The following MYO3B variants were observed in gnomAD, a reference collection of about 807,000 sequenced individuals.
The protein encoded by MYO3B is myosin-IIIb.
MYO3B carries 156 observed loss-of-function variants against 174.6 expected under a neutral mutation model. That is an observed-to-expected ratio of 0.89 (90% CI 0.78 to 1.02). The LOEUF is 1.02. MYO3B is among the 50% of genes least tolerant of loss of function. MYO3B has a pLI of 0.00. For synonymous variants in MYO3B, 563 were observed against 569.1 expected (o/e 0.99, Z 0.15); for missense variants, 1,632 against 1,639.4 (o/e 1.00, Z 0.08).
intron 32 of MYO3B, among the ~76,000 whole-genome samples, chr2:170,637,539 T>C (rs1207305123): frequency 6.6e-6 from 1 of 152,144 alleles, no homozygotes; most frequent in Non-Finnish European, 1.5e-5. Flanking sequence ...TGAGAAATCT[T>C]GAGTCCAGTG....
chr2:170,576,454 A>G (rs759110823), intron 32 of MYO3B, among the ~76,000 whole-genome samples: 1 of 152,200 alleles, frequency 6.6e-6, no homozygotes, highest in Non-Finnish European at 1.5e-5. Context: ...AGCAAACCGG[A>G]AGAAGCAAGT....
chr2:170,241,969 C>T (rs1334837800), intron 7 of MYO3B, among the ~76,000 whole-genome samples: 2 of 152,170 alleles, frequency 1.3e-5, no homozygotes, highest in Non-Finnish European at 2.9e-5. Context: ...GTAATTGTCT[C>T]ACTATTACAG....
intron 9 of MYO3B, among the ~76,000 whole-genome samples, chr2:170,370,893 T>C (rs2094237972): frequency 6.6e-6 from 1 of 151,896 alleles, no homozygotes; most frequent in Non-Finnish European, 1.5e-5. Context: ...GCTCTCTCTC[T>C]CTCTCTCTTT....
chr2:170,531,557 G>C (rs1231492840), intron 30 of MYO3B, among the ~76,000 whole-genome samples: 1 of 152,144 alleles, frequency 6.6e-6, no homozygotes, highest in Non-Finnish European at 1.5e-5. Context: ...CATCTCATTT[G>C]ATGCATAAAA....
chr2:170,534,290 T>C (rs1689545406), intron 30 of MYO3B, among the ~76,000 whole-genome samples: 1 of 152,220 alleles, frequency 6.6e-6, no homozygotes. Flanking sequence ...TAGATAATAG[T>C]GTAAAAATTA....
rs1237284564 is a variant in MYO3B at position 170,383,720 on chromosome 2, T to C, written c.1196T>C (p.Leu399Pro). 1 of 1,613,186 alleles carries C rather than the reference T, an allele frequency of 6.2e-7. No homozygotes were observed. Among genetic ancestry groups the C allele is most frequent in the Admixed American group, 1.7e-5 (1 of 59,970 alleles). The part of the protein sequence containing the change: ...LSIYSPQFSR[L>P]YHGVKRASNP... ...TTATTTTTCCTTCAGTTTTCCAGAC[T>C]TTATCATGGGGTGAAACGCGCCTCC... Residue 399 changes from leucine to proline, a missense_variant, in exon 12 of 35, where the codon CTT (leucine) becomes CCT (proline). Coordinates refer to ENST00000408978, the MANE Select transcript of MYO3B (RefSeq NM_138995.5).
At chr2:170,337,103 G>A (rs912423051) in intron 8 of MYO3B, among the ~76,000 whole-genome samples, 1 of 151,858 alleles carries the variant, frequency 6.6e-6, no homozygotes, top group African/African-American at 2.4e-5. Context: ...ATGTTGAGAG[G>A]AAAAACAGAT....
At chr2:170,332,043 A>T (rs943194306) in intron 7 of MYO3B, 1 of 152,220 alleles carries the variant, frequency 6.6e-6, no homozygotes, top group East Asian at 1.9e-4. Flanking sequence ...CATATGAAGT[A>T]GCATATTAAT....
At chr2:170,532,870 C>G (rs1689448406) in intron 30 of MYO3B, among the ~76,000 whole-genome samples, 2 of 148,764 alleles carry the variant, frequency 1.3e-5, no homozygotes. Flanking sequence ...TCAAATGGTT[C>G]AGAAAAAAAT....
In MYO3B at chr2:170,443,959, T is replaced by C; in HGVS notation, c.2651-8T>C. The C allele has an allele frequency of 6.2e-7, 1 of 1,607,534 alleles. No homozygotes were observed. The highest frequency in any genetic ancestry group is 8.5e-7 in the Non-Finnish European group (1 of 1,175,266). ...TTTAATTTATGTTCTTTGTGGTCTCTTTCTCAGGTAATTTGGCCCAGACAA... is the reference window on the plus strand; with the variant it reads ...TTTAATTTATGTTCTTTGTGGTCTCCTTCTCAGGTAATTTGGCCCAGACAA... On this transcript the variant is annotated splice_region_variant and splice_polypyrimidine_tract_variant and intron_variant, in intron 22 of 34. Transcript: ENST00000408978.
rs145444646 is a variant in MYO3B at position 170,413,092 on chromosome 2, A to G, written c.2650+5248A>G. ...TGTATAAAAGATGAACAAAAAATCT[A>G]CATTCTGAACAGGCATGCAAATCCA... On this transcript the variant is annotated intron_variant, in intron 22 of 34. Transcript: ENST00000408978. Among the ~76,000 whole-genome samples, 93 of 152,368 alleles carry G rather than the reference A, an allele frequency of 6.1e-4. 3 individuals carry two copies. The East Asian group carries it at 0.016, about 26-fold the overall frequency.
rs187243803 is a variant in MYO3B at position 170,274,276 on chromosome 2, T to A, written c.749+38140T>A. ...TCCAAATTTCCAGCCTTTTTTCTTT[T>A]CTCTTCCTAGCTTTTTTACTTGAGG... On this transcript the variant is annotated intron_variant, in intron 7 of 34. Transcript: ENST00000408978. Among the ~76,000 whole-genome samples, 305 of 152,332 alleles carry A rather than the reference T, an allele frequency of 2.0e-3. 1 individual carries two copies. Among genetic ancestry groups the A allele is most frequent in the African/African-American group, 6.9e-3 (285 of 41,582 alleles).
At chr2:170,377,428 G>T (rs995735685) in intron 9 of MYO3B, among the ~76,000 whole-genome samples, 1 of 152,130 alleles carries the variant, frequency 6.6e-6, no homozygotes, top group Non-Finnish European at 1.5e-5. Context: ...TCTACCTCTG[G>T]CTCTGTCTTT....
chr2:170,581,877 G>C (rs1693172702), intron 32 of MYO3B, among the ~76,000 whole-genome samples: 1 of 152,044 alleles, frequency 6.6e-6, no homozygotes, highest in African/African-American at 2.4e-5. Context: ...ATTTTTTCAT[G>C]GCAAGTTTAC....
chr2:170,381,799 T>G (rs999730082), intron 9 of MYO3B, among the ~76,000 whole-genome samples: 2 of 152,188 alleles, frequency 1.3e-5, no homozygotes, highest in Non-Finnish European at 2.9e-5. Flanking sequence ...CACTCCTCAC[T>G]CTGGCAGGAA....
Position 170,555,385 on chromosome 2 carries a change from C to G in MYO3B, c.3733+11397C>G, listed in dbSNP as rs139738343. Among the ~76,000 whole-genome samples, 159 of 152,240 alleles carry G rather than the reference C, an allele frequency of 1.0e-3. 1 individual carries two copies. The highest frequency in any genetic ancestry group is 4.4e-3 in the South Asian group (21 of 4,826). ...ATGACAGTATCATACAGAATAATTTCACTGACCTAAAAATCCCATCTCTAC... is the reference window on the plus strand; with the variant it reads ...ATGACAGTATCATACAGAATAATTTGACTGACCTAAAAATCCCATCTCTAC... On this transcript the variant is annotated intron_variant, in intron 32 of 34. Transcript: ENST00000408978.
intron 32 of MYO3B, among the ~76,000 whole-genome samples, chr2:170,557,309 T>G (rs1257077307): frequency 1.3e-5 from 2 of 151,852 alleles, no homozygotes; most frequent in Non-Finnish European, 2.9e-5. Flanking sequence ...CCAGCTAATT[T>G]CTTGTATTTT....
At chr2:170,438,928 G>A (rs567580276) in intron 22 of MYO3B, among the ~76,000 whole-genome samples, 8 of 151,792 alleles carry the variant, frequency 5.3e-5, no homozygotes, top group African/African-American at 9.7e-5. Flanking sequence ...CACCGTGCCC[G>A]GCCAAGGATG....
At chr2:170,579,347 C>T (rs1346922583) in intron 32 of MYO3B, among the ~76,000 whole-genome samples, 1 of 151,680 alleles carries the variant, frequency 6.6e-6, no homozygotes, top group East Asian at 1.9e-4. Flanking sequence ...ATATTTCAAA[C>T]ATCCAGAAGA....
Sources: gnomAD v4.1 joint callset for allele counts (sites outside exome capture counted in the v4.1 genomes callset) on GRCh38, gnomAD v4.1.1 for gene constraint, MANE v1.5 for transcripts, NCBI Gene and HGNC (gene_info 2026-07-23, HGNC 2026-07-21) for gene names.